The following SPCS1 variants were observed in gnomAD, a reference collection of about 807,000 sequenced individuals.
The protein encoded by SPCS1 is signal peptidase complex subunit 1.
A neutral mutation model predicts 16.4 loss-of-function variants in SPCS1; 10 were observed. That is an observed-to-expected ratio of 0.61 (90% CI 0.38 to 1.03). The LOEUF (loss-of-function observed/expected upper bound fraction) is 1.03, where lower values mean the gene tolerates loss of function less well. Ranked by LOEUF, SPCS1 falls within the 50% of genes least tolerant of loss-of-function variation. The pLI is 0.01. For missense variants in SPCS1, 118 were observed against 123.8 expected (o/e 0.95, Z 0.22); for synonymous variants, 47 against 42.5 (o/e 1.10, Z -0.41).
chr3:52,706,362 G>T (rs981531591), intron 1 of SPCS1, 80 bp downstream of exon 1: 2 of 1,450,524 alleles, frequency 1.4e-6, no homozygotes, highest in Admixed American at 2.0e-5. Flanking sequence ...CACCGACCCG[G>T]TGCTGCGCTG....
chr3:52,707,571 T>A (rs2154101352), intron 3 of SPCS1, 116 bp from the exon 4 acceptor site: 1 of 1,095,894 alleles, frequency 9.1e-7, no homozygotes, highest in East Asian at 2.5e-5. Context: ...ATGGATTTTT[T>A]TTTTTGTTTT....
chr3:52,707,980 T>A lies in SPCS1; in HGVS notation c.*168T>A. 1.4e-6 allele frequency: 1 copy of A among 724,378 alleles called. No homozygotes were observed. Among genetic ancestry groups the A allele is most frequent in the Non-Finnish European group, 2.2e-6 (1 of 449,058 alleles). 44.9% of individuals were successfully genotyped at this position (724,378 alleles called of 1,614,324 possible). A position where few individuals can be genotyped will look rare whatever the true frequency, so the allele number is the denominator to read the frequency against. ...CCAGTTGGGTTTTGATTTATATAAGTAGTTTAGACCTTCTCTTCATAATCT... is the reference window on the plus strand; with the variant it reads ...CCAGTTGGGTTTTGATTTATATAAGAAGTTTAGACCTTCTCTTCATAATCT... On this transcript the variant is annotated 3_prime_UTR_variant, in exon 4 of 4. Coordinates refer to ENST00000619898, the MANE Select transcript of SPCS1 (RefSeq NM_014041.5).
Sources: allele counts gnomAD v4.1 joint callset, GRCh38; gene constraint gnomAD v4.1.1; transcripts MANE v1.5; gene names NCBI Gene and HGNC (gene_info 2026-07-23, HGNC 2026-07-21).